NCOA2: variants seen among roughly 807,000 people sequenced by gnomAD.
NCOA2 encodes class E basic helix-loop-helix protein 75.
Under a neutral mutation model 145.1 loss-of-function variants are expected in NCOA2, and 21 were observed. That is an observed-to-expected ratio of 0.14 (90% confidence interval 0.10 to 0.21). The LOEUF (loss-of-function observed/expected upper bound fraction) is 0.21. Among genes scored for constraint, NCOA2 ranks in the 10% least tolerant of loss-of-function variants. NCOA2 has a pLI of 1.00. For missense variants in NCOA2, 1,472 were observed against 1,837.6 expected (o/e 0.80, Z 3.64); for synonymous variants, 619 against 637.5 (o/e 0.97, Z 0.44).
chr8:70,192,091 ATGGGAGAGT>A (rs1248227275), intron 4 of NCOA2, among the ~76,000 whole-genome samples: 8 of 152,154 alleles, frequency 5.3e-5, no homozygotes, highest in Admixed American at 5.2e-4. Context: ...TGAAGACAAC[ATGGGAGAGT>A]TGAAACCAAG....
intron 1 of NCOA2, among the ~76,000 whole-genome samples, chr8:70,321,269 T>C (rs1263260463): frequency 3.3e-5 from 5 of 152,196 alleles, no homozygotes; most frequent in Admixed American, 1.3e-4. Context: ...AAATGAGGGA[T>C]ATGTTAATTA....
At chr8:70,411,310 AT>A in the NCOA2 span, among the ~76,000 whole-genome samples, 4 of 152,214 alleles carry the variant, frequency 2.6e-5, no homozygotes, top group Admixed American at 2.6e-4. Context: ...TGGCATAAAG[AT>A]TGCTAAGGGA....
At chr8:70,444,389 C>G in the NCOA2 span, among the ~76,000 whole-genome samples, 1 of 152,030 alleles carries the variant, frequency 6.6e-6, no homozygotes, top group African/African-American at 2.4e-5. Flanking sequence ...AAGGGTAGCA[C>G]GAGGGATCTT....
intron 11 of NCOA2, among the ~76,000 whole-genome samples, chr8:70,155,657 A>G (rs927676789): frequency 6.6e-6 from 1 of 152,230 alleles, no homozygotes; most frequent in Admixed American, 6.5e-5. Flanking sequence ...GTTTGTTTAC[A>G]CAGTGTCTGT....
chr8:70,362,914 C>CA (rs902860166), intron 1 of NCOA2, among the ~76,000 whole-genome samples: 1 of 151,012 alleles, frequency 6.6e-6, no homozygotes, highest in Admixed American at 6.6e-5. Flanking sequence ...CCCGTCTCTA[C>CA]AAAAAACACA....
Position 70,156,209 on chromosome 8 carries a change from G to C in NCOA2, c.2156C>G (p.Ser719Cys). The C allele has an allele frequency of 6.2e-7, 1 of 1,613,908 alleles. No homozygotes were observed. The highest frequency in any genetic ancestry group is 8.5e-7 in the Non-Finnish European group (1 of 1,179,862). Residue 719 changes from serine (S) to cysteine (C), a missense_variant, in exon 11 of 23, where the codon TCC becomes TGC. Around this residue, in one of 4 missense-constraint regions of NCOA2, gnomAD observed 953 missense variants for 1,062.1 expected, o/e 0.90. Transcript: ENST00000452400. ...TTCTGATCCAGGAGCTGTGCTGCTGGACTCCTGGCTCAGGTCTTTGCCTGT... is the reference window on the plus strand; with the variant it reads ...TTCTGATCCAGGAGCTGTGCTGCTGCACTCCTGGCTCAGGTCTTTGCCTGT... ...EATGKDLSQE[S>C]SSTAPGSEVT...
At chr8:70,359,236 C>A (rs60485151) in intron 1 of NCOA2, among the ~76,000 whole-genome samples, 1 of 152,012 alleles carries the variant, frequency 6.6e-6, no homozygotes, top group Non-Finnish European at 1.5e-5. Flanking sequence ...TGGGTATATA[C>A]CTGAAAGTGT....
At chr8:70,315,046 A>C (rs1451701852) in intron 1 of NCOA2, among the ~76,000 whole-genome samples, 1 of 152,214 alleles carries the variant, frequency 6.6e-6, no homozygotes, top group African/African-American at 2.4e-5. Flanking sequence ...GAGCTAAGGA[A>C]GGCAATGCAC....
intron 16 of NCOA2, 63 bp downstream of exon 16, chr8:70,131,774 A>G: frequency 1.3e-6 from 2 of 1,499,164 alleles, no homozygotes; most frequent in South Asian, 1.3e-5. Flanking sequence ...CTGTAAACAG[A>G]AAATGGACAC....
chr8:70,278,865 C>G (rs1418491291), intron 2 of NCOA2, among the ~76,000 whole-genome samples: 1 of 151,734 alleles, frequency 6.6e-6, no homozygotes, highest in African/African-American at 2.4e-5. Context: ...ACAAGGTAGG[C>G]TGAGGCATGA....
intron 2 of NCOA2, among the ~76,000 whole-genome samples, chr8:70,258,626 C>A (rs117356985): frequency 6.6e-6 from 1 of 152,112 alleles, no homozygotes; most frequent in Admixed American, 6.6e-5. Context: ...ATCACATCAC[C>A]TTCTTTCCAA....
chr8:70,222,274 A>G, intron 2 of NCOA2, among the ~76,000 whole-genome samples: 1 of 152,216 alleles, frequency 6.6e-6, no homozygotes, highest in East Asian at 1.9e-4. Flanking sequence ...TAAGATAGAC[A>G]CAAACCACTA....
intron 1 of NCOA2, among the ~76,000 whole-genome samples, chr8:70,308,040 G>C (rs979840177): frequency 6.6e-6 from 1 of 152,036 alleles, no homozygotes; most frequent in Non-Finnish European, 1.5e-5. Flanking sequence ...AATCATTCAT[G>C]TACATGTTTT....
At position 70,121,366 on chromosome 8, in the gene NCOA2, C is replaced by A. The variant is rs1267894622; in HGVS notation, c.4319G>T (p.Gly1440Val). 1 of 1,612,388 alleles carries A rather than the reference C, an allele frequency of 6.2e-7. No homozygotes were observed. ...AGGCAGCTGGTTTGGGAACAGGTTG[C>A]CTCCCCTCAGAGCAGGATCATTAAC... ...EQVNDPALRGGNLFPNQLPGM... is the reference protein window; with the variant it reads ...EQVNDPALRGVNLFPNQLPGM... Residue 1440 changes from glycine (G) to valine (V), a missense_variant, in exon 22 of 23, where the codon GGC becomes GTC. This residue lies in a region of NCOA2 where 232 missense variants were observed against 290.6 expected (regional missense o/e 0.80). Transcript: ENST00000452400.
At chr8:70,268,814 G>GA (rs1563702540) in intron 2 of NCOA2, among the ~76,000 whole-genome samples, 1 of 152,132 alleles carries the variant, frequency 6.6e-6, no homozygotes, top group African/African-American at 2.4e-5. Context: ...CTAGTTACTG[G>GA]AGTAATAAGC....
chr8:70,285,619 C>A (rs1274069210), intron 2 of NCOA2, among the ~76,000 whole-genome samples: 1 of 152,246 alleles, frequency 6.6e-6, no homozygotes, highest in Non-Finnish European at 1.5e-5. Context: ...TGTTGATACA[C>A]TGCTTTGTAA....
chr8:70,343,803 C>G (rs1162577735), intron 1 of NCOA2, among the ~76,000 whole-genome samples: 1 of 149,318 alleles, frequency 6.7e-6, no homozygotes, highest in East Asian at 2.0e-4. Context: ...GAAGCAAGAC[C>G]CCATCTCAAA....
In NCOA2 at chr8:70,289,764, T is replaced by C. The variant is rs551480594; in HGVS notation, c.-20+6980A>G. 2.6e-5 allele frequency among the ~76,000 whole-genome samples: 4 copies of C among 152,246 alleles called. No individual in the cohort carries two copies. In the South Asian group the frequency reaches 8.3e-4, roughly 32 times the overall value. ...GCAGTTAAAAGATCCTCCTCAAAAT[T>C]GGACTACATTGATTTAAACTGTATG... On this transcript the variant is annotated intron_variant, in intron 2 of 22. Coordinates refer to ENST00000452400, the MANE Select transcript of NCOA2 (RefSeq NM_006540.4).
At chr8:70,287,575 C>A (rs1259916557) in intron 2 of NCOA2, among the ~76,000 whole-genome samples, 1 of 152,156 alleles carries the variant, frequency 6.6e-6, no homozygotes, top group East Asian at 1.9e-4. Context: ...GTTTTTCCAT[C>A]TTTCAAAACA....
Sources: allele counts gnomAD v4.1 joint callset (sites outside exome capture counted in the v4.1 genomes callset), GRCh38; gene constraint gnomAD v4.1.1; regional missense constraint gnomAD v4.1.1; transcripts MANE v1.5; gene names NCBI Gene and HGNC (gene_info 2026-07-23, HGNC 2026-07-21).